Variants in MAML2 observed in about 807,000 individuals in gnomAD.
MAML2 encodes mastermind-like protein 2.
In MAML2, 22 loss-of-function variants were observed where a neutral mutation model predicts 96.1. The observed-to-expected ratio is 0.23, with a 90% CI of 0.16 to 0.33. The LOEUF (loss-of-function observed/expected upper bound fraction) is 0.33, where lower values mean the gene tolerates loss of function less well. MAML2 is among the 10% of genes least tolerant of loss of function. The pLI, the probability that MAML2 is intolerant of heterozygous loss-of-function variation, is 1.00. For synonymous variants in MAML2, 561 were observed against 521.3 expected (o/e 1.08, Z -1.04); for missense variants, 1,367 against 1,392.4 (o/e 0.98, Z 0.29).
chr11:95,986,087 T>C (rs7937967), intron 3 of MAML2, among the ~76,000 whole-genome samples: 52,756 of 152,050 alleles, frequency 0.35, 11,037 homozygotes, highest in African/African-American at 0.58. Context: ...ACATCTGATA[T>C]GCTTTGGCAG....
chr11:96,100,256 GT>G (rs748356387), intron 1 of MAML2, among the ~76,000 whole-genome samples: 8 of 151,430 alleles, frequency 5.3e-5, no homozygotes, highest in Admixed American at 2.0e-4. Context: ...GTTTTTGTTT[GT>G]TTGTTGTTTT....
intron 1 of MAML2, among the ~76,000 whole-genome samples, chr11:96,291,278 A>G (rs763749080): frequency 1.3e-4 from 19 of 151,398 alleles, no homozygotes; most frequent in Non-Finnish European, 2.7e-4. Flanking sequence ...GGCACCCACC[A>G]CCTCACCCGG....
At chr11:96,066,334 C>T (rs757112723) in intron 2 of MAML2, among the ~76,000 whole-genome samples, 48 of 152,272 alleles carry the variant, frequency 3.2e-4, no homozygotes, top group Non-Finnish European at 4.9e-4. Context: ...AGGCAGAGCC[C>T]CATCTTTGTC....
intron 1 of MAML2, among the ~76,000 whole-genome samples, chr11:96,316,537 G>A (rs1029592990): frequency 6.6e-6 from 1 of 152,140 alleles, no homozygotes; most frequent in East Asian, 1.9e-4. Flanking sequence ...ATAATAAAAG[G>A]CCCTCTGGGG....
intron 2 of MAML2, among the ~76,000 whole-genome samples, chr11:96,059,224 G>A (rs1426219251): frequency 1.3e-5 from 2 of 152,104 alleles, no homozygotes; most frequent in Non-Finnish European, 2.9e-5. Context: ...TGCATAAGAT[G>A]GTAATTCTGC....
rs532280763 is a variant in MAML2, at chr11:96,310,009, A to AT, written c.513+31373dup. The stretch of plus-strand genomic sequence containing the variant: ...TGAGCCACCACACCTGGTCAGAATG[A>AT]TTTTTAAGACTCTGAAGTTTCCAAA... On this transcript the variant is annotated intron_variant, in intron 1 of 4. Transcript: ENST00000524717. 5.3e-3 allele frequency among the ~76,000 whole-genome samples: 801 copies of AT among 152,206 alleles called. 7 individuals are homozygous for AT. The highest frequency in any genetic ancestry group is 0.018 in the African/African-American group (744 of 41,516).
At chr11:96,238,702 T>C (rs1423420371) in intron 1 of MAML2, among the ~76,000 whole-genome samples, 1 of 152,206 alleles carries the variant, frequency 6.6e-6, no homozygotes, top group Non-Finnish European at 1.5e-5. Flanking sequence ...AGAAGAGCTA[T>C]GTAGAGGCAT....
chr11:96,331,919 G>A (rs1863859767), intron 1 of MAML2, among the ~76,000 whole-genome samples: 1 of 151,810 alleles, frequency 6.6e-6, no homozygotes, highest in Non-Finnish European at 1.5e-5. Context: ...GCAGAATAGT[G>A]TCCTATTTTT....
At chr11:96,114,921 C>G (rs558986862) in intron 1 of MAML2, among the ~76,000 whole-genome samples, 22 of 152,188 alleles carry the variant, frequency 1.4e-4, no homozygotes, top group Non-Finnish European at 2.5e-4. Flanking sequence ...TGGCTGGGAT[C>G]AAAAAGACTG....
chr11:96,239,727 CATGT>C (rs1862407860), intron 1 of MAML2, among the ~76,000 whole-genome samples: 2 of 151,994 alleles, frequency 1.3e-5, no homozygotes, highest in East Asian at 3.8e-4. Flanking sequence ...TAATAGCACC[CATGT>C]CATAGAGCAG....
chr11:96,157,335 G>T (rs1273985678), intron 1 of MAML2, among the ~76,000 whole-genome samples: 1 of 152,248 alleles, frequency 6.6e-6, no homozygotes, highest in East Asian at 1.9e-4. Flanking sequence ...GCATCTTGGA[G>T]CTTTGCCTGT....
In MAML2 at chr11:96,093,481, G is replaced by A; in HGVS notation, c.550C>T (p.Leu184=). 1.2e-6 allele frequency: 2 copies of A among 1,612,516 alleles called. No homozygotes were observed. Among genetic ancestry groups the A allele is most frequent in the Admixed American group, 1.7e-5 (1 of 59,782 alleles). ...GGTCGCTTGCTGTTGGCAGGAGATAGGTTAACTACCTGTTTTCTTTTCAAG... is the reference window on the plus strand; with the variant it reads ...GGTCGCTTGCTGTTGGCAGGAGATAAGTTAACTACCTGTTTTCTTTTCAAG... ...GSLKRKQVVN[L]SPANSKRPNG... The change falls in exon 2 of 5, where the codon CTA becomes TTA. Residue 184 remains leucine, a synonymous_variant. Transcript: ENST00000524717.
chr11:96,278,591 C>T (rs1476896655), intron 1 of MAML2, among the ~76,000 whole-genome samples: 2 of 152,132 alleles, frequency 1.3e-5, no homozygotes, highest in African/African-American at 4.8e-5. Flanking sequence ...GTAGATCACA[C>T]AGGCTTTCCT....
chr11:96,306,878 C>CT (rs1384432371), intron 1 of MAML2, among the ~76,000 whole-genome samples: 4 of 152,000 alleles, frequency 2.6e-5, no homozygotes, highest in Non-Finnish European at 5.9e-5. Flanking sequence ...GGAATTGATT[C>CT]TTTTTTTTCT....
At chr11:96,261,266 G>A (rs557482238) in intron 1 of MAML2, among the ~76,000 whole-genome samples, 2 of 152,026 alleles carry the variant, frequency 1.3e-5, no homozygotes, top group Non-Finnish European at 2.9e-5. Flanking sequence ...GCCACGTGAT[G>A]CCCTGTGCCA....
chr11:96,218,162 A>G lies in MAML2; in HGVS notation c.513+123221T>C, dbSNP rs527725805. Among the ~76,000 whole-genome samples the G allele has an allele frequency of 3.3e-5, 5 of 152,282 alleles. No individual in the cohort carries two copies. In the East Asian group the frequency reaches 9.6e-4, roughly 29 times the overall value. ...TGCTTTGAAAAATGCACTAGAAAAA[A>G]CGTTTGGTGTGCCTTTTGAATTTTT... On this transcript the variant is annotated intron_variant, in intron 1 of 4. Transcript: ENST00000524717.
At chr11:96,265,923 A>G (rs552710413) in intron 1 of MAML2, among the ~76,000 whole-genome samples, 107 of 152,258 alleles carry the variant, frequency 7.0e-4, no homozygotes, top group Non-Finnish European at 1.3e-3. Flanking sequence ...CTTCCACTAC[A>G]CCAAAGCAAG....
intron 1 of MAML2, among the ~76,000 whole-genome samples, chr11:96,211,746 G>A (rs1034545870): frequency 1.3e-5 from 2 of 152,146 alleles, no homozygotes; most frequent in Non-Finnish European, 2.9e-5. Flanking sequence ...TCTAATCCTG[G>A]AAATTGCTAA....
At chr11:96,072,173 G>A (rs1262344639) in intron 2 of MAML2, among the ~76,000 whole-genome samples, 1 of 151,976 alleles carries the variant, frequency 6.6e-6, no homozygotes, top group Admixed American at 6.6e-5. Context: ...CCAACATGCA[G>A]TGTTCTTACA....
Sources: allele counts gnomAD v4.1 joint callset (sites outside exome capture counted in the v4.1 genomes callset), GRCh38; gene constraint gnomAD v4.1.1; transcripts MANE v1.5; gene names NCBI Gene and HGNC (gene_info 2026-07-23, HGNC 2026-07-21).